MRTFA: variants seen among roughly 807,000 people sequenced by gnomAD.
MRTFA encodes myocardin related transcription factor A, also known as myocardin-related transcription factor A.
MRTFA carries 20 observed loss-of-function variants against 83.5 expected under a neutral mutation model. That is an observed-to-expected ratio of 0.24 (90% confidence interval 0.17 to 0.35). MRTFA has a LOEUF of 0.35. Ranked by LOEUF, MRTFA falls within the 10% of genes least tolerant of loss-of-function variation. MRTFA has a pLI of 1.00. For synonymous variants in MRTFA, 659 were observed against 541.2 expected (o/e 1.22, Z -3.02); for missense variants, 1,200 against 1,224.7 (o/e 0.98, Z 0.30).
intron 3 of MRTFA, among the ~76,000 whole-genome samples, chr22:40,500,621 T>G (rs1387335820): frequency 6.6e-6 from 1 of 151,930 alleles, no homozygotes; most frequent in Non-Finnish European, 1.5e-5. Flanking sequence ...CCTTCAAGCA[T>G]CTGTTTAACA....
rs1229711140 is a variant in MRTFA at position 40,529,478 on chromosome 22, G to A, written c.241+22628C>T. ...ATTACAGGCACCCACCACCATGCCC[G>A]GCTAACTTTTGTATTTTTAGTAGAG... On this transcript the variant is annotated intron_variant, in intron 3 of 14. Coordinates refer to ENST00000355630, the MANE Select transcript of MRTFA (RefSeq NM_020831.6). 5.3e-5 allele frequency among the ~76,000 whole-genome samples: 8 copies of A among 151,900 alleles called. No individual in the cohort carries two copies. The East Asian group carries it at 1.2e-3, about 22-fold the overall frequency.
intron 12 of MRTFA, among the ~76,000 whole-genome samples, chr22:40,417,978 G>A (rs1265814297): frequency 6.6e-6 from 1 of 152,150 alleles, no homozygotes; most frequent in African/African-American, 2.4e-5. Context: ...TCTCTGAGGA[G>A]AGGACCCTGA....
At chr22:40,499,713 G>A (rs1369628515) in intron 3 of MRTFA, among the ~76,000 whole-genome samples, 1 of 151,916 alleles carries the variant, frequency 6.6e-6, no homozygotes, top group Non-Finnish European at 1.5e-5. Context: ...AAGCAACACT[G>A]GTCATTTAAA....
At chr22:40,446,145 G>T (rs901510341) in intron 4 of MRTFA, among the ~76,000 whole-genome samples, 1 of 152,210 alleles carries the variant, frequency 6.6e-6, no homozygotes, top group African/African-American at 2.4e-5. Flanking sequence ...ATCTGTCTTT[G>T]TAATTAACAC....
chr22:40,475,587 G>C (rs1323400564), intron 3 of MRTFA, among the ~76,000 whole-genome samples: 1 of 152,092 alleles, frequency 6.6e-6, no homozygotes, highest in Non-Finnish European at 1.5e-5. Flanking sequence ...CTAACATCTA[G>C]ACAAGTGTAA....
At chr22:40,574,824 G>A (rs1001077902) in intron 2 of MRTFA, among the ~76,000 whole-genome samples, 3 of 152,082 alleles carry the variant, frequency 2.0e-5, no homozygotes, top group Non-Finnish European at 4.4e-5. Context: ...TTATATAAGG[G>A]ACTTCAGCTC....
chr22:40,512,118 C>T (rs959393954), intron 3 of MRTFA, among the ~76,000 whole-genome samples: 9 of 152,124 alleles, frequency 5.9e-5, no homozygotes, highest in African/African-American at 1.2e-4. Context: ...TCCATCCTTA[C>T]GGTCCCTTGT....
chr22:40,594,307 C>T (rs1253497906), intron 2 of MRTFA, among the ~76,000 whole-genome samples: 1 of 152,150 alleles, frequency 6.6e-6, no homozygotes, highest in Non-Finnish European at 1.5e-5. Context: ...CATTACCCAC[C>T]ACCCTAAATT....
intron 2 of MRTFA, among the ~76,000 whole-genome samples, chr22:40,592,889 A>G (rs2056141775): frequency 6.6e-6 from 1 of 152,204 alleles, no homozygotes. Flanking sequence ...GAAGAAAATT[A>G]ATTTGCATTG....
At chr22:40,599,430 G>T (rs1668451071) in intron 1 of MRTFA, among the ~76,000 whole-genome samples, 1 of 152,140 alleles carries the variant, frequency 6.6e-6, no homozygotes, top group Admixed American at 6.5e-5. Flanking sequence ...TTCCAAAGGG[G>T]ATGAGAATAA....
chr22:40,414,104 C>T (rs1351794648), intron 14 of MRTFA, among the ~76,000 whole-genome samples: 1 of 152,084 alleles, frequency 6.6e-6, no homozygotes, highest in Non-Finnish European at 1.5e-5. Flanking sequence ...TTTGGGAGGC[C>T]GAGGCGGGCA....
At chr22:40,427,987 G>T (rs1056247298) in intron 7 of MRTFA, among the ~76,000 whole-genome samples, 15 of 152,150 alleles carry the variant, frequency 9.9e-5, no homozygotes, top group African/African-American at 3.1e-4. Context: ...AGAGGGCAGG[G>T]AAGTTCCAAT....
intron 13 of MRTFA, 140 bp downstream of exon 13, chr22:40,417,201 C>A (rs1402835878): frequency 1.4e-6 from 2 of 1,382,246 alleles, no homozygotes; most frequent in Admixed American, 4.4e-5. Context: ...CGTCCCCTAA[C>A]AACCCACTCC....
intron 3 of MRTFA, among the ~76,000 whole-genome samples, chr22:40,548,403 G>C (rs565924846): frequency 6.0e-4 from 84 of 138,924 alleles, no homozygotes; most frequent in African/African-American, 2.2e-3. Flanking sequence ...AAAACCAAAA[G>C]AGGGGCATCT....
At chr22:40,414,722 T>G (rs1240596115) in intron 14 of MRTFA, among the ~76,000 whole-genome samples, 3 of 152,064 alleles carry the variant, frequency 2.0e-5, no homozygotes, top group Non-Finnish European at 4.4e-5. Flanking sequence ...TTGGGGAGAA[T>G]GGGGAGTTAC....
intron 2 of MRTFA, among the ~76,000 whole-genome samples, chr22:40,576,290 C>G (rs2055867631): frequency 6.6e-6 from 1 of 152,134 alleles, no homozygotes; most frequent in Non-Finnish European, 1.5e-5. Context: ...CTTGGCCTCC[C>G]AAAGTGCTGG....
At chr22:40,559,305 C>T (rs1437423930) in intron 2 of MRTFA, among the ~76,000 whole-genome samples, 1 of 152,088 alleles carries the variant, frequency 6.6e-6, no homozygotes, top group Non-Finnish European at 1.5e-5. Flanking sequence ...AGGATCACCT[C>T]GACCCCAGGG....
At chr22:40,513,100 C>G (rs1475442126) in intron 3 of MRTFA, among the ~76,000 whole-genome samples, 1 of 152,096 alleles carries the variant, frequency 6.6e-6, no homozygotes, top group Non-Finnish European at 1.5e-5. Context: ...ACCACCACAC[C>G]AAGTTTAAAG....
chr22:40,457,780 G>A (rs1206868023), intron 4 of MRTFA, among the ~76,000 whole-genome samples: 1 of 152,132 alleles, frequency 6.6e-6, no homozygotes. Context: ...TTAGAAACAT[G>A]GTACTATATG....
Sources: allele counts gnomAD v4.1 joint callset (sites outside exome capture counted in the v4.1 genomes callset), GRCh38; gene constraint gnomAD v4.1.1; transcripts MANE v1.5; gene names NCBI Gene and HGNC (gene_info 2026-07-23, HGNC 2026-07-21).